KIF6: variants seen among roughly 807,000 people sequenced by gnomAD.
KIF6 encodes kinesin-like protein KIF6.
A neutral mutation model predicts 112.7 loss-of-function variants in KIF6; 106 were observed. The ratio of observed to expected loss-of-function variants is 0.94; its 90% CI spans 0.80 to 1.11. The LOEUF is 1.11. KIF6 is among the 50% of genes least tolerant of loss of function. The probability of loss-of-function intolerance (pLI) is 0.00; values close to 1 mark genes in which losing one functional copy is unlikely to be tolerated. For missense variants in KIF6, 929 were observed against 964.0 expected (o/e 0.96, Z 0.48); for synonymous variants, 339 against 339.9 (o/e 1.00, Z 0.03).
chr6:39,421,705 C>T (rs369892755), intron 14 of KIF6, among the ~76,000 whole-genome samples: 3 of 152,288 alleles, frequency 2.0e-5, no homozygotes, highest in African/African-American at 7.2e-5. Context: ...CTTGGGACTC[C>T]GCCCCTGGCT....
intron 6 of KIF6, among the ~76,000 whole-genome samples, chr6:39,596,940 TA>T (rs1172393008): frequency 6.6e-6 from 1 of 152,100 alleles, no homozygotes; most frequent in Non-Finnish European, 1.5e-5. Flanking sequence ...GAGCAATGAT[TA>T]ATCAGAAAAT....
intron 19 of KIF6, among the ~76,000 whole-genome samples, chr6:39,351,404 G>T (rs1198070989): frequency 6.6e-6 from 1 of 150,800 alleles, no homozygotes; most frequent in African/African-American, 2.4e-5. Context: ...CTATGGATTT[G>T]TGGGGAGGTA....
intron 15 of KIF6, among the ~76,000 whole-genome samples, chr6:39,403,097 C>A: frequency 6.6e-6 from 1 of 152,144 alleles, no homozygotes; most frequent in African/African-American, 2.4e-5. Context: ...CAGCTGAGGT[C>A]ATTTCTTTTA....
At chr6:39,357,475 G>A (rs1049796191) in intron 18 of KIF6, 101 bp from the exon 19 acceptor site, 7 of 672,608 alleles carry the variant, frequency 1.0e-5, no homozygotes, top group African/African-American at 3.8e-5. Context: ...TTGAGATGGA[G>A]TCTCGCTCTG....
chr6:39,438,595 C>G (rs1191314463), intron 13 of KIF6, among the ~76,000 whole-genome samples: 1 of 152,000 alleles, frequency 6.6e-6, no homozygotes, highest in Non-Finnish European at 1.5e-5. Flanking sequence ...TATTTTTGTA[C>G]AGCTGTATAA....
intron 6 of KIF6, among the ~76,000 whole-genome samples, chr6:39,597,636 C>T (rs181927657): frequency 6.6e-6 from 1 of 152,080 alleles, no homozygotes; most frequent in Non-Finnish European, 1.5e-5. Context: ...TAGATTAAAG[C>T]TTTAAGTGTG....
At chr6:39,415,593 G>A (rs1769861431) in intron 15 of KIF6, among the ~76,000 whole-genome samples, 1 of 152,210 alleles carries the variant, frequency 6.6e-6, no homozygotes. Flanking sequence ...ACTTGATCCG[G>A]GTCATCATAA....
At chr6:39,710,000 G>T (rs922095640) in intron 3 of KIF6, among the ~76,000 whole-genome samples, 8 of 152,086 alleles carry the variant, frequency 5.3e-5, no homozygotes, top group South Asian at 2.1e-4. Flanking sequence ...CATACAATTT[G>T]CATAAAATAT....
chr6:39,528,969 C>T (rs1777893576), intron 13 of KIF6, among the ~76,000 whole-genome samples: 1 of 152,182 alleles, frequency 6.6e-6, no homozygotes, highest in African/African-American at 2.4e-5. Flanking sequence ...CAAATAGACT[C>T]ATCGACCAAT....
intron 15 of KIF6, among the ~76,000 whole-genome samples, chr6:39,414,691 T>C (rs1769770072): frequency 6.6e-6 from 1 of 152,214 alleles, no homozygotes; most frequent in Non-Finnish European, 1.5e-5. Flanking sequence ...GTTTGAGCCT[T>C]TTGTTAGGCA....
chr6:39,503,157 C>T (rs1233896568), intron 13 of KIF6, among the ~76,000 whole-genome samples: 1 of 152,170 alleles, frequency 6.6e-6, no homozygotes, highest in Non-Finnish European at 1.5e-5. Flanking sequence ...GACCACAGCA[C>T]AATCAAATTA....
At chr6:39,514,399 C>G (rs776868918) in intron 13 of KIF6, among the ~76,000 whole-genome samples, 1 of 152,144 alleles carries the variant, frequency 6.6e-6, no homozygotes, top group Non-Finnish European at 1.5e-5. Flanking sequence ...GCCCATCCAG[C>G]GTCCATCAGC....
At chr6:39,507,442 C>T (rs1383292820) in intron 13 of KIF6, among the ~76,000 whole-genome samples, 1 of 152,052 alleles carries the variant, frequency 6.6e-6, no homozygotes, top group Non-Finnish European at 1.5e-5. Flanking sequence ...TGCAGAAGGT[C>T]CTGACCTTCC....
chr6:39,354,977 A>T (rs749282496), intron 19 of KIF6, among the ~76,000 whole-genome samples: 1 of 152,272 alleles, frequency 6.6e-6, no homozygotes, highest in East Asian at 1.9e-4. Flanking sequence ...AAGAAATTCA[A>T]GACCAGCCTG....
At chr6:39,714,669 G>A (rs1194633343) in intron 3 of KIF6, 23 bp downstream of exon 3, 1 of 1,591,014 alleles carries the variant, frequency 6.3e-7, no homozygotes, top group Non-Finnish European at 8.6e-7. Flanking sequence ...CGAGCCCACT[G>A]AACAAAATAT....
intron 13 of KIF6, among the ~76,000 whole-genome samples, chr6:39,512,907 A>C (rs954641011): frequency 6.6e-6 from 1 of 152,142 alleles, no homozygotes; most frequent in Admixed American, 6.5e-5. Flanking sequence ...ACTTGGTACC[A>C]TGAGCCAGGC....
intron 10 of KIF6, among the ~76,000 whole-genome samples, chr6:39,549,041 T>C (rs921640068): frequency 3.9e-5 from 6 of 152,176 alleles, no homozygotes; most frequent in Non-Finnish European, 8.8e-5. Flanking sequence ...CTGGTGACTA[T>C]ACAGATCTCA....
intron 13 of KIF6, among the ~76,000 whole-genome samples, chr6:39,525,890 C>T (rs1463882802): frequency 6.6e-6 from 1 of 151,972 alleles, no homozygotes; most frequent in Non-Finnish European, 1.5e-5. Context: ...GAAAAATGGG[C>T]ATGTGATTCC....
chr6:39,474,387 C>G (rs1481110621), intron 13 of KIF6, among the ~76,000 whole-genome samples: 2 of 152,178 alleles, frequency 1.3e-5, no homozygotes, highest in Non-Finnish European at 2.9e-5. Context: ...AGCCTCTATT[C>G]AGGGGTTAAC....
Sources: allele counts gnomAD v4.1 joint callset (sites outside exome capture counted in the v4.1 genomes callset), GRCh38; gene constraint gnomAD v4.1.1; transcripts MANE v1.5; gene names NCBI Gene and HGNC (gene_info 2026-07-23, HGNC 2026-07-21).